Variants in GALNTL6 observed in about 807,000 individuals in gnomAD.
GALNTL6 encodes polypeptide N-acetylgalactosaminyltransferase like 6.
A neutral mutation model predicts 73.7 loss-of-function variants in GALNTL6; 46 were observed. The ratio of observed to expected loss-of-function variants is 0.62; its 90% CI spans 0.49 to 0.80. The LOEUF (loss-of-function observed/expected upper bound fraction) is 0.80. Ranked by LOEUF, GALNTL6 falls within the 30% of genes least tolerant of loss-of-function variation. GALNTL6 has a pLI of 0.00. For missense variants in GALNTL6, 604 were observed against 755.0 expected (o/e 0.80, Z 2.34); for synonymous variants, 259 against 263.7 (o/e 0.98, Z 0.17).
chr4:172,153,289 A>G (rs1005043743), intron 2 of GALNTL6, among the ~76,000 whole-genome samples: 4 of 152,198 alleles, frequency 2.6e-5, no homozygotes, highest in Non-Finnish European at 1.5e-5. Flanking sequence ...CTTTACACGA[A>G]CTATGATATT....
At chr4:172,629,894 T>C (rs1739322980) in intron 5 of GALNTL6, among the ~76,000 whole-genome samples, 1 of 152,198 alleles carries the variant, frequency 6.6e-6, no homozygotes, top group Non-Finnish European at 1.5e-5. Context: ...AATCTGCTTG[T>C]CACATTAAGA....
chr4:171,959,359 T>C (rs1271565035), intron 2 of GALNTL6, among the ~76,000 whole-genome samples: 1 of 152,194 alleles, frequency 6.6e-6, no homozygotes, highest in African/African-American at 2.4e-5. Context: ...AAAGATCTCA[T>C]CATCTTAGAA....
intron 2 of GALNTL6, among the ~76,000 whole-genome samples, chr4:171,993,456 T>G (rs1432288757): frequency 6.6e-6 from 1 of 152,150 alleles, no homozygotes; most frequent in Non-Finnish European, 1.5e-5. Context: ...AGCTGTGTCA[T>G]GCTAATGATT....
At chr4:171,998,774 C>A (rs1483770491) in intron 2 of GALNTL6, among the ~76,000 whole-genome samples, 2 of 152,156 alleles carry the variant, frequency 1.3e-5, no homozygotes, top group Admixed American at 6.6e-5. Context: ...AAACCAAATT[C>A]TTACAAACAA....
chr4:172,830,975 C>T (rs536679773), intron 7 of GALNTL6, among the ~76,000 whole-genome samples: 2 of 152,034 alleles, frequency 1.3e-5, no homozygotes, highest in East Asian at 3.9e-4. Context: ...GCCTGACCGA[C>T]ATGGTGAAAC....
chr4:172,295,423 GAA>G (rs11406771), intron 3 of GALNTL6, among the ~76,000 whole-genome samples: 4 of 144,670 alleles, frequency 2.8e-5, no homozygotes, highest in Non-Finnish European at 6.0e-5. Flanking sequence ...CTCCATTTAA[GAA>G]AAAAAAAAAG....
chr4:172,623,754 C>A (rs904096189), intron 5 of GALNTL6, among the ~76,000 whole-genome samples: 3 of 151,930 alleles, frequency 2.0e-5, no homozygotes, highest in Non-Finnish European at 4.4e-5. Flanking sequence ...ATTCAGATAG[C>A]CTTTTTATTG....
Position 172,688,556 on chromosome 4 carries a change from T to C in GALNTL6, c.554-120805T>C, listed in dbSNP as rs76057062. Among the ~76,000 whole-genome samples the C allele has an allele frequency of 7.4e-3, 1,126 of 152,284 alleles. 12 individuals carry two copies. Among genetic ancestry groups the C allele is most frequent in the African/African-American group, 0.026 (1,071 of 41,562 alleles). On this transcript the variant is annotated intron_variant, in intron 5 of 12. Transcript: ENST00000506823. ...CCCCCTTATTTCAATATTCCGCCCATAATGTTTATAGAGAGATGGCATATA... is the reference window on the plus strand; with the variant it reads ...CCCCCTTATTTCAATATTCCGCCCACAATGTTTATAGAGAGATGGCATATA...
intron 2 of GALNTL6, among the ~76,000 whole-genome samples, chr4:172,096,084 C>CTGCGTGTG (rs1553992002): frequency 6.8e-6 from 1 of 147,078 alleles, no homozygotes; most frequent in Non-Finnish European, 1.5e-5. Flanking sequence ...CTCTCTCTTT[C>CTGCGTGTG]TGTGTGTGTG....
chr4:172,744,839 GCGTGT>G (rs1737003395), intron 5 of GALNTL6, among the ~76,000 whole-genome samples: 1 of 61,596 alleles, frequency 1.6e-5, no homozygotes, highest in South Asian at 5.9e-4. Flanking sequence ...GAGTGCGCGT[GCGTGT>G]GTGTGTGTGT....
intron 2 of GALNTL6, among the ~76,000 whole-genome samples, chr4:171,891,545 A>T (rs2110927368): frequency 6.6e-6 from 1 of 152,384 alleles, no homozygotes; most frequent in South Asian, 2.1e-4. Flanking sequence ...TGTTTAAAAA[A>T]AATTCCAGTG....
intron 5 of GALNTL6, among the ~76,000 whole-genome samples, chr4:172,567,520 A>G (rs1464663797): frequency 6.6e-6 from 1 of 152,194 alleles, no homozygotes; most frequent in Admixed American, 6.5e-5. Context: ...ATATGTATCA[A>G]AAACAACTTT....
intron 2 of GALNTL6, among the ~76,000 whole-genome samples, chr4:171,977,062 A>G (rs1739742864): frequency 6.6e-6 from 1 of 152,196 alleles, no homozygotes; most frequent in African/African-American, 2.4e-5. Context: ...ATTTCCTTTT[A>G]CTGATTAATA....
chr4:172,169,714 G>A (rs1035993642), intron 2 of GALNTL6, among the ~76,000 whole-genome samples: 1 of 152,108 alleles, frequency 6.6e-6, no homozygotes, highest in African/African-American at 2.4e-5. Flanking sequence ...ACTAAATGTT[G>A]GGGCTAGAAA....
intron 5 of GALNTL6, among the ~76,000 whole-genome samples, chr4:172,592,792 C>T (rs77695005): frequency 4.6e-5 from 7 of 152,074 alleles, no homozygotes; most frequent in Non-Finnish European, 8.8e-5. Context: ...CAAAACTTCC[C>T]AAGGAGCTTT....
rs115284153 is a variant in GALNTL6, at chr4:172,731,545, T to C, written c.554-77816T>C. 3.2e-3 allele frequency among the ~76,000 whole-genome samples: 480 copies of C among 152,230 alleles called. 3 individuals carry two copies. The highest frequency in any genetic ancestry group is 0.011 in the African/African-American group (453 of 41,592). On this transcript the variant is annotated intron_variant, in intron 5 of 12. Coordinates refer to ENST00000506823, the MANE Select transcript of GALNTL6 (RefSeq NM_001034845.3). The stretch of plus-strand genomic sequence containing the variant: ...TACATTTTTTAGTCTTAATTTCATT[T>C]ATTTCTGCTCTGATCTTTTATTATT...
intron 5 of GALNTL6, among the ~76,000 whole-genome samples, chr4:172,359,560 T>C (rs1192958853): frequency 3.3e-5 from 5 of 152,176 alleles, no homozygotes; most frequent in African/African-American, 9.7e-5. Flanking sequence ...GTAAGTACTA[T>C]GAATCAGACT....
chr4:172,104,065 TCC>T (rs1358615712), intron 2 of GALNTL6, among the ~76,000 whole-genome samples: 1 of 151,774 alleles, frequency 6.6e-6, no homozygotes, highest in Admixed American at 6.6e-5. Context: ...TGCCTCAGCC[TCC>T]CGAGTAGCTG....
chr4:172,949,681 G>C (rs1024900664), intron 9 of GALNTL6, among the ~76,000 whole-genome samples: 10 of 152,066 alleles, frequency 6.6e-5, no homozygotes, highest in Admixed American at 5.9e-4. Flanking sequence ...AGGCCAACGC[G>C]GGTGGATCAT....
Sources: gnomAD v4.1 joint callset for allele counts (sites outside exome capture counted in the v4.1 genomes callset) on GRCh38, gnomAD v4.1.1 for gene constraint, MANE v1.5 for transcripts, NCBI Gene and HGNC (gene_info 2026-07-23, HGNC 2026-07-21) for gene names.